The following USH1C variants were observed in gnomAD, a reference collection of about 807,000 sequenced individuals.
USH1C encodes USH1 protein network component harmonin, also known as harmonin.
USH1C carries 90 observed loss-of-function variants against 119.3 expected under a neutral mutation model. That is an observed-to-expected ratio of 0.75 (90% CI 0.64 to 0.90). USH1C has a LOEUF of 0.90. USH1C is among the 40% of genes least tolerant of loss of function. The pLI is 0.00. For synonymous variants in USH1C, 465 were observed against 443.3 expected (o/e 1.05, Z -0.62); for missense variants, 1,165 against 1,167.7 (o/e 1.00, Z 0.03).
intron 19 of USH1C, 152 bp downstream of exon 19, chr11:17,505,678 T>C: frequency 8.6e-7 from 1 of 1,159,136 alleles, no homozygotes; most frequent in Non-Finnish European, 1.2e-6. Flanking sequence ...CCATGTGGCC[T>C]CATCTCTTGG....
chr11:17,531,446 T>G lies in USH1C; in HGVS notation c.201A>C (p.Pro67=), dbSNP rs779390547. ...PLFDAIRPLI[P]LKHQVEYDQL... is the part of the protein sequence containing the mutation. ...GATCATATTCCACCTGGTGCTTCAG[T>G]GGGATCAGCGGCCGAATGGCATCAA... The change falls in exon 3 of 27, where the codon CCA becomes CCC. Residue 67 remains proline (P), a synonymous_variant. Transcript: ENST00000005226. The surrounding 1 kb of genome is among the most constrained non-coding windows in gnomAD (Gnocchi z 4.2). The G allele has an allele frequency of 1.2e-6, 2 of 1,614,048 alleles. No individual in the cohort carries two copies. Among genetic ancestry groups the G allele is most frequent in the South Asian group, 2.2e-5 (2 of 91,052 alleles).
Position 17,508,131 on chromosome 11 carries a change from G to A in USH1C, c.2013+1225C>T, listed in dbSNP as rs138516816. Among the ~76,000 whole-genome samples, 11 of 152,304 alleles carry A rather than the reference G, an allele frequency of 7.2e-5. No individual in the cohort carries two copies. In the East Asian group the frequency reaches 1.9e-3, roughly 27 times the overall value. On this transcript the variant is annotated intron_variant, in intron 18 of 26. Coordinates refer to ENST00000005226, the MANE Select transcript of USH1C (RefSeq NM_153676.4). ...AAAAGCTACTGCTCATCTTGATGGA[G>A]GCCACTTACAGAGAAAAATGTTGTG...
In USH1C at chr11:17,495,557, C is replaced by T. The variant is rs727504552; in HGVS notation, c.2655+12G>A. On this transcript the variant is annotated intron_variant, in intron 26 of 26. Transcript: ENST00000005226. ...GGACACACAGGGCCCTGTGGCCCGCCTGCCTATTCACCGTGGGCTCCAGCT... is the reference window on the plus strand; with the variant it reads ...GGACACACAGGGCCCTGTGGCCCGCTTGCCTATTCACCGTGGGCTCCAGCT... 1.2e-6 allele frequency: 2 copies of T among 1,613,636 alleles called. No individual in the cohort carries two copies. The highest frequency in any genetic ancestry group is 1.7e-6 in the Non-Finnish European group (2 of 1,179,802).
chr11:17,534,916 G>A (rs1851170717), intron 1 of USH1C, among the ~76,000 whole-genome samples: 1 of 150,776 alleles, frequency 6.6e-6, no homozygotes. Context: ...GACAGGAGAT[G>A]GAAGCATCTG....
intron 21 of USH1C, 103 bp downstream of exon 21, chr11:17,501,836 C>G: frequency 7.3e-7 from 1 of 1,377,634 alleles, no homozygotes; most frequent in Non-Finnish European, 1.0e-6. Flanking sequence ...CCCACCTCAT[C>G]CCAGGACCCC....
At chr11:17,509,249 G>T (rs1477800528) in intron 18 of USH1C, 107 bp downstream of exon 18, 10 of 1,429,604 alleles carry the variant, frequency 7.0e-6, no homozygotes, top group Non-Finnish European at 8.4e-6. Context: ...GGGGTGAGAT[G>T]ATGTTTCTTT....
chr11:17,496,306 G>A (rs547593318), intron 25 of USH1C, among the ~76,000 whole-genome samples: 11 of 152,298 alleles, frequency 7.2e-5, no homozygotes, highest in African/African-American at 2.4e-4. Context: ...ATCCCACAGC[G>A]TGGGGACAAA....
intron 14 of USH1C, among the ~76,000 whole-genome samples, chr11:17,520,294 C>T (rs1434076192): frequency 6.6e-6 from 1 of 152,122 alleles, no homozygotes; most frequent in African/African-American, 2.4e-5. Context: ...GCTGAGGCCC[C>T]AGGACAGCAC....
At chr11:17,510,613 A>T in intron 16 of USH1C, 92 bp from the exon 17 acceptor site, 1 of 949,442 alleles carries the variant, frequency 1.1e-6, no homozygotes, top group Non-Finnish European at 1.7e-6. Context: ...TCCTTTAGAA[A>T]CTCCAGAGTA....
Position 17,501,255 on chromosome 11 carries a change from C to A in USH1C, c.2281-105G>T, listed in dbSNP as rs554720047. The A allele has an allele frequency of 8.9e-6, 10 of 1,120,414 alleles. No individual in the cohort carries two copies. In the East Asian group the frequency reaches 2.6e-4, roughly 29 times the overall value. 69.4% of individuals were successfully genotyped at this position (1,120,414 alleles called of 1,614,324 possible). A position where few individuals can be genotyped will look rare whatever the true frequency, so the allele number is the denominator to read the frequency against. ...AGAGCCACAGTAAGAGTGGAAGAAG[C>A]CATGGGGTCACCGGCAGTGCCATCT... On this transcript the variant is annotated intron_variant, in intron 22 of 26. Coordinates refer to ENST00000005226, the MANE Select transcript of USH1C (RefSeq NM_153676.4).
intron 2 of USH1C, 67 bp downstream of exon 2, chr11:17,533,188 C>T (rs1851063539): frequency 1.6e-6 from 2 of 1,259,320 alleles, no homozygotes; most frequent in Non-Finnish European, 2.3e-6. Context: ...CAGAACAACC[C>T]ATCCCAGGGC....
At position 17,525,318 on chromosome 11, in the gene USH1C, T is replaced by A. The variant is rs144788228; in HGVS notation, c.675-783A>T. On this transcript the variant is annotated intron_variant, in intron 8 of 26. Transcript: ENST00000005226. ...ACTATTTACTTGGTTGGCTTCTAGA[T>A]TAGGCTGTTGTCTCCCAGAAAGGTG... Among the ~76,000 whole-genome samples, 1,456 of 152,344 alleles carry A rather than the reference T, an allele frequency of 9.6e-3. 17 individuals are homozygous for A. The highest frequency in any genetic ancestry group is 0.015 in the Non-Finnish European group (1,041 of 68,032).
rs1204827747 is a variant in USH1C, at chr11:17,520,958, C to A, written c.1122G>T (p.Trp374Cys). 3.1e-6 allele frequency: 5 copies of A among 1,613,956 alleles called. No individual in the cohort carries two copies. The highest frequency in any genetic ancestry group is 3.4e-6 in the Non-Finnish European group (4 of 1,180,008). ...VEEEEKFKKQ[W>C]EEDWGSKEQL... The stretch of plus-strand genomic sequence containing the variant: ...GTTCCTTTGAGCCCCAGTCTTCTTC[C>A]CATTGCTTCTTAAACTTCTCTTCCT... The change falls in exon 14 of 27, where the codon TGG becomes TGT. Residue 374 changes from tryptophan to cysteine, a missense_variant. Transcript: ENST00000005226.
At chr11:17,512,519 T>G (rs914995396) in intron 15 of USH1C, among the ~76,000 whole-genome samples, 1 of 152,260 alleles carries the variant, frequency 6.6e-6, no homozygotes, top group Non-Finnish European at 1.5e-5. Flanking sequence ...ATCTGGCACA[T>G]GCCTTCTGCA....
At chr11:17,510,028 A>G (rs1277973402) in intron 17 of USH1C, among the ~76,000 whole-genome samples, 190 bp from the exon 18 acceptor site, 1 of 152,126 alleles carries the variant, frequency 6.6e-6, no homozygotes, top group Non-Finnish European at 1.5e-5. Flanking sequence ...GGCTGCTGTT[A>G]GGGAGTGCCC....
intron 1 of USH1C, among the ~76,000 whole-genome samples, chr11:17,538,743 A>G (rs1346574777): frequency 6.6e-6 from 1 of 151,950 alleles, no homozygotes; most frequent in African/African-American, 2.4e-5. Context: ...AGCCATCGGG[A>G]GGCACAAGCA....
At chr11:17,517,173 A>C (rs1297059606) in intron 14 of USH1C, among the ~76,000 whole-genome samples, 1 of 152,184 alleles carries the variant, frequency 6.6e-6, no homozygotes, top group Non-Finnish European at 1.5e-5. Flanking sequence ...CCAGCGGTTC[A>C]GTGGTACCAG....
chr11:17,533,201 C>G lies in USH1C; in HGVS notation c.104+54G>C, dbSNP rs1400869589. 3.5e-6 allele frequency: 5 copies of G among 1,426,078 alleles called. No individual in the cohort carries two copies. In the East Asian group the frequency reaches 1.1e-4, roughly 32 times the overall value. 88.3% of individuals were successfully genotyped at this position (1,426,078 alleles called of 1,614,324 possible). A position where few individuals can be genotyped will look rare whatever the true frequency, so the allele number is the denominator to read the frequency against. On this transcript the variant is annotated intron_variant, in intron 2 of 26. Transcript: ENST00000005226. Reference sequence around the variant, plus strand: ...CTCAGAACAACCCATCCCAGGGCTCCCTGAAGACAAAGGAACCCAAGTGGC... The same window carrying G: ...CTCAGAACAACCCATCCCAGGGCTCGCTGAAGACAAAGGAACCCAAGTGGC...
At chr11:17,500,619 C>T (rs1023728500) in intron 23 of USH1C, among the ~76,000 whole-genome samples, 9 of 152,142 alleles carry the variant, frequency 5.9e-5, no homozygotes, top group African/African-American at 1.7e-4. Flanking sequence ...TTCTCCCCTT[C>T]GCGAGGCTGA....
Sources: gnomAD v4.1 joint callset for allele counts (sites outside exome capture counted in the v4.1 genomes callset) on GRCh38, gnomAD v4.1.1 for gene constraint, Gnocchi (gnomAD v3.1) non-coding constraint, MANE v1.5 for transcripts, NCBI Gene and HGNC (gene_info 2026-07-23, HGNC 2026-07-21) for gene names.